The following MTG1 variants were observed in gnomAD, a reference collection of about 807,000 sequenced individuals.
MTG1 encodes the protein mitochondrial ribosome associated GTPase 1.
Under a neutral mutation model 39.5 loss-of-function variants are expected in MTG1, and 30 were observed. That is an observed-to-expected ratio of 0.76 (90% CI 0.57 to 1.03). The LOEUF (loss-of-function observed/expected upper bound fraction) is 1.03. Among genes scored for constraint, MTG1 ranks in the 50% least tolerant of loss-of-function variants. The probability of loss-of-function intolerance (pLI) is 0.00; values close to 1 mark genes in which losing one functional copy is unlikely to be tolerated. For missense variants in MTG1, 513 were observed against 447.4 expected (o/e 1.15, Z -1.32); for synonymous variants, 217 against 179.0 (o/e 1.21, Z -1.69).
At chr10:133,401,829 A>G (rs1364588269) in intron 7 of MTG1, 3 of 674,464 alleles carry the variant, frequency 4.4e-6, no homozygotes, top group South Asian at 3.3e-5. Flanking sequence ...TGAGGAGGCC[A>G]CTGTCCAGGG....
rs1336591336 is a variant in MTG1, at chr10:133,397,399, A to G, written c.283-1036A>G. Among the ~76,000 whole-genome samples, 3 of 142,692 alleles carry G rather than the reference A, an allele frequency of 2.1e-5. 1 individual carries two copies. The highest frequency in any genetic ancestry group is 8.4e-5 in the African/African-American group (3 of 35,684). 93.6% of individuals were successfully genotyped at this position (142,692 alleles called of 152,430 possible). A position where few individuals can be genotyped will look rare whatever the true frequency, so the allele number is the denominator to read the frequency against. On this transcript the variant is annotated intron_variant, in intron 3 of 10. Transcript: ENST00000317502. ...TTAGTGCAGCCAGACATTTGGGGCC[A>G]CTACCGGTCTCTGCATCTTGGTGGT...
chr10:133,404,208 G>C (rs1849934370), intron 9 of MTG1, among the ~76,000 whole-genome samples: 1 of 141,928 alleles, frequency 7.0e-6, no homozygotes, highest in Non-Finnish European at 1.5e-5. Context: ...GCTCACTGCA[G>C]CCTGACCTCC....
chr10:133,414,770 C>T (rs1195024664), intron 9 of MTG1, among the ~76,000 whole-genome samples: 3 of 152,208 alleles, frequency 2.0e-5, no homozygotes, highest in Non-Finnish European at 4.4e-5. Flanking sequence ...GGGTGGCGGC[C>T]GGGCAGAGGC....
chr10:133,395,682 C>T (rs749155561), intron 1 of MTG1, 31 bp from the exon 2 acceptor site: 2 of 1,610,972 alleles, frequency 1.2e-6, no homozygotes. Context: ...GGTTGTGAGC[C>T]CCTTCGCTGA....
chr10:133,420,342 C>T lies in MTG1; in HGVS notation c.*177C>T. ...AGGGACCCCAGTTGCAGGGCCCAAG[C>T]AGGTGGGAGTGGACACCAGGCTTCC... On this transcript the variant is annotated 3_prime_UTR_variant, in exon 11 of 11. Transcript: ENST00000317502. 1 of 688,690 alleles carries T rather than the reference C, an allele frequency of 1.5e-6. No individual in the cohort carries two copies. The highest frequency in any genetic ancestry group is 2.2e-6 in the Non-Finnish European group (1 of 446,540). The allele number at this position is 688,690 out of a possible 1,614,324, so 42.7% of individuals were successfully genotyped here.
chr10:133,419,935 G>A (rs781438539), intron 10 of MTG1, 91 bp from the exon 11 acceptor site: 2 of 1,415,964 alleles, frequency 1.4e-6, no homozygotes, highest in Admixed American at 4.5e-5. Flanking sequence ...TGCCATCATG[G>A]AGCCTCTTAG....
chr10:133,394,347 G>C lies in MTG1; in HGVS notation c.112+15G>C. On this transcript the variant is annotated intron_variant, in intron 1 of 10. Transcript: ENST00000317502. ...CATGGCCAAGGGTGAGGCACGGCGG[G>C]GAGGGGCAAGGTCATGCCTACGGCC... 1 of 1,485,426 alleles carries C rather than the reference G, an allele frequency of 6.7e-7. No individual in the cohort carries two copies. The highest frequency in any genetic ancestry group is 2.9e-5 in the East Asian group (1 of 34,478). 92.0% of individuals were successfully genotyped at this position (1,485,426 alleles called of 1,614,324 possible).
chr10:133,419,672 G>T (rs1024198411), intron 10 of MTG1, 80 bp downstream of exon 10: 23 of 1,185,594 alleles, frequency 1.9e-5, no homozygotes, highest in African/African-American at 4.5e-5. Context: ...GAGGAGGCAG[G>T]GAGGAGAGGA....
At chr10:133,416,043 G>A (rs916236256) in intron 9 of MTG1, among the ~76,000 whole-genome samples, 118 of 147,590 alleles carry the variant, frequency 8.0e-4, no homozygotes, top group African/African-American at 2.9e-3. Flanking sequence ...GGCGGGCGTC[G>A]GGCAGGCGGG....
At chr10:133,419,623 G>A in intron 10 of MTG1, 31 bp downstream of exon 10, 2 of 1,547,158 alleles carry the variant, frequency 1.3e-6, no homozygotes, top group Non-Finnish European at 1.8e-6. Flanking sequence ...GGGCACCGGA[G>A]CCTCACCCCA....
chr10:133,421,312 T>C lies in MTG1; in HGVS notation c.*1147T>C, dbSNP rs1850230408. On this transcript the variant is annotated 3_prime_UTR_variant, in exon 11 of 11. Coordinates refer to ENST00000317502, the MANE Select transcript of MTG1 (RefSeq NM_138384.4). ...GCTAATGTGCTGAATCAACAGTCATTGCAGATCACGAAGTGTCCATCATAA... is the reference window on the plus strand; with the variant it reads ...GCTAATGTGCTGAATCAACAGTCATCGCAGATCACGAAGTGTCCATCATAA... The C allele has an allele frequency of 6.5e-6, 1 of 153,262 alleles. No individual in the cohort carries two copies. The allele number at this position is 153,262 out of a possible 1,614,324, so 9.5% of individuals were successfully genotyped here.
At position 133,416,865 on chromosome 10, in the gene MTG1, T is replaced by C. The variant is rs950514423; in HGVS notation, c.753-2615T>C. On this transcript the variant is annotated intron_variant, in intron 9 of 10. Coordinates refer to ENST00000317502, the MANE Select transcript of MTG1 (RefSeq NM_138384.4). ...TGTGAATAATGCCGCAATAAACACA[T>C]GTGTGCATGTGTCTTTATAGCAGCA... Among the ~76,000 whole-genome samples the C allele has an allele frequency of 7.2e-5, 11 of 151,860 alleles. No homozygotes were observed. In the South Asian group the frequency reaches 1.5e-3, roughly 20 times the overall value.
intron 9 of MTG1, among the ~76,000 whole-genome samples, chr10:133,417,780 T>A (rs1850154168): frequency 6.6e-6 from 1 of 152,078 alleles, no homozygotes; most frequent in Non-Finnish European, 1.5e-5. Context: ...CACAATTGCT[T>A]CAAAGAGAAT....
At chr10:133,417,928 T>C (rs1850157973) in intron 9 of MTG1, among the ~76,000 whole-genome samples, 1 of 152,196 alleles carries the variant, frequency 6.6e-6, no homozygotes, top group African/African-American at 2.4e-5. Context: ...AGAATCAATA[T>C]TGTGAAAATG....
intron 3 of MTG1, among the ~76,000 whole-genome samples, chr10:133,397,898 T>C (rs1849812269): frequency 6.6e-6 from 1 of 152,034 alleles, no homozygotes; most frequent in Non-Finnish European, 1.5e-5. Context: ...GGTGGCCGTC[T>C]AGTATAGGGC....
At chr10:133,403,971 T>A (rs1424250481) in intron 9 of MTG1, among the ~76,000 whole-genome samples, 3 of 151,962 alleles carry the variant, frequency 2.0e-5, no homozygotes, top group Non-Finnish European at 4.4e-5. Flanking sequence ...TGTAGGGGTG[T>A]CGCATAGCAT....
chr10:133,416,388 A>AT (rs998861897), intron 9 of MTG1, among the ~76,000 whole-genome samples: 30 of 120,008 alleles, frequency 2.5e-4, no homozygotes, highest in Admixed American at 2.3e-3. Context: ...ATATATATAT[A>AT]TTTTTCTTTT....
intron 6 of MTG1, 155 bp from the exon 7 acceptor site, chr10:133,401,374 G>C: frequency 1.7e-6 from 1 of 579,986 alleles, no homozygotes; most frequent in Non-Finnish European, 3.0e-6. Flanking sequence ...AGATATGTTT[G>C]TTACATAGTC....
At position 133,400,061 on chromosome 10, in the gene MTG1, G is replaced by A. The variant is rs568456689; in HGVS notation, c.511+442G>A. On this transcript the variant is annotated intron_variant, in intron 6 of 10. Transcript: ENST00000317502. The stretch of plus-strand genomic sequence containing the variant: ...CGAAAAATTAGGTGGGTGTGGTGGC[G>A]GGCACCTGTAGTCCCAGCCACTTAG... Among the ~76,000 whole-genome samples, 7 of 152,202 alleles carry A rather than the reference G, an allele frequency of 4.6e-5. No individual in the cohort carries two copies. In the South Asian group the frequency reaches 8.3e-4, roughly 18 times the overall value.
Sources: gnomAD v4.1 joint callset for allele counts (sites outside exome capture counted in the v4.1 genomes callset) on GRCh38, gnomAD v4.1.1 for gene constraint, MANE v1.5 for transcripts, NCBI Gene and HGNC (gene_info 2026-07-23, HGNC 2026-07-21) for gene names.